Variants in ZZEF1 observed in about 807,000 individuals in gnomAD.
The protein encoded by ZZEF1 is zinc finger ZZ-type and EF-hand domain-containing protein 1.
A neutral mutation model predicts 342.8 loss-of-function variants in ZZEF1; 157 were observed. That is an observed-to-expected ratio of 0.46 (90% CI 0.40 to 0.52). The LOEUF (loss-of-function observed/expected upper bound fraction) is 0.52. Ranked by LOEUF, ZZEF1 falls within the 20% of genes least tolerant of loss-of-function variation. ZZEF1 has a pLI of 0.00. For synonymous variants in ZZEF1, 1,505 were observed against 1,429.1 expected, an observed-to-expected ratio of 1.05 and a Z score of -1.20; for missense variants, 3,480 against 3,725.6, an observed-to-expected ratio of 0.93 and a Z score of 1.72.
chr17:4,032,742 A>G (rs2056575737), intron 41 of ZZEF1, 86 bp downstream of exon 41: 1 of 1,411,808 alleles, frequency 7.1e-7, no homozygotes, highest in East Asian at 2.3e-5. Context: ...ATCTATGCCT[A>G]TATATCCGGA....
intron 52 of ZZEF1, among the ~76,000 whole-genome samples, chr17:4,011,739 T>A (rs1000624699): frequency 1.3e-5 from 2 of 152,156 alleles, no homozygotes; most frequent in Non-Finnish European, 2.9e-5. Context: ...ACTTGAAAAA[T>A]TATTGTGTAT....
At chr17:4,125,261 C>T (rs1242176572) in intron 1 of ZZEF1, among the ~76,000 whole-genome samples, 1 of 152,214 alleles carries the variant, frequency 6.6e-6, no homozygotes, top group Non-Finnish European at 1.5e-5. Context: ...CCATGCAATA[C>T]TTCAGGAGTC....
chr17:4,078,105 G>C, intron 18 of ZZEF1, 63 bp from the exon 19 acceptor site: 1 of 1,537,564 alleles, frequency 6.5e-7, no homozygotes, highest in Non-Finnish European at 8.8e-7. Flanking sequence ...CATAGCCAAG[G>C]GCATCCTCTA....
At chr17:4,088,331 A>G (rs2057878728) in intron 13 of ZZEF1, among the ~76,000 whole-genome samples, 2 of 152,212 alleles carry the variant, frequency 1.3e-5, no homozygotes, top group Non-Finnish European at 2.9e-5. Flanking sequence ...GACCTCAGTT[A>G]TAATTCTTCT....
chr17:4,106,177 A>C (rs542556530), intron 6 of ZZEF1, among the ~76,000 whole-genome samples: 23 of 152,168 alleles, frequency 1.5e-4, no homozygotes, highest in Non-Finnish European at 2.8e-4. Context: ...TGAACTCCTG[A>C]CCTCGTGATC....
At chr17:4,139,044 G>T (rs1486079896) in intron 1 of ZZEF1, among the ~76,000 whole-genome samples, 1 of 142,498 alleles carries the variant, frequency 7.0e-6, no homozygotes, top group African/African-American at 2.7e-5. Context: ...CAAGACAGCT[G>T]CGTGGACACC....
chr17:4,066,046 T>C (rs1337170052), intron 28 of ZZEF1, among the ~76,000 whole-genome samples: 1 of 152,060 alleles, frequency 6.6e-6, no homozygotes, highest in East Asian at 1.9e-4. Context: ...ACCTGCTTGA[T>C]GTCCCAGCTA....
chr17:4,083,508 C>T (rs1326520360), intron 16 of ZZEF1, among the ~76,000 whole-genome samples: 2 of 152,210 alleles, frequency 1.3e-5, no homozygotes, highest in African/African-American at 4.8e-5. Flanking sequence ...TGAAACCTTC[C>T]TCAATCACTT....
rs988983195 is a variant in ZZEF1, at chr17:4,139,409, A to C, written c.354+3133T>G. On this transcript the variant is annotated intron_variant, in intron 1 of 54. Coordinates refer to ENST00000381638, the MANE Select transcript of ZZEF1 (RefSeq NM_015113.4). Reference sequence around the variant, plus strand: ...TATCTGTTTTACCATGTTAGCTCTTATAAAAACGAATGACGGAAACAACTT... The same window carrying C: ...TATCTGTTTTACCATGTTAGCTCTTCTAAAAACGAATGACGGAAACAACTT... 6.6e-5 allele frequency among the ~76,000 whole-genome samples: 10 copies of C among 152,260 alleles called. 1 individual carries two copies. The highest frequency in any genetic ancestry group is 2.4e-4 in the African/African-American group (10 of 41,462).
Position 4,142,562 on chromosome 17 carries a change from A to G in ZZEF1, c.334T>C (p.Ser112Pro). The G allele has an allele frequency of 6.2e-7, 1 of 1,602,104 alleles. No individual in the cohort carries two copies. Among genetic ancestry groups the G allele is most frequent in the Non-Finnish European group, 8.5e-7 (1 of 1,179,356 alleles). The change falls in exon 1 of 55, where the codon TCT becomes CCT. Residue 112 changes from serine to proline, a missense_variant. By Grantham distance (74) the Ser-to-Pro change is moderately conservative. Coordinates refer to ENST00000381638, the MANE Select transcript of ZZEF1 (RefSeq NM_015113.4). Reference sequence around the variant, plus strand: ...CTGACCTCCTCGAACTGCTCGCTAGAGCAGCCGGCGCCGCGAGCCTCCAGC... The same window carrying G: ...CTGACCTCCTCGAACTGCTCGCTAGGGCAGCCGGCGCCGCGAGCCTCCAGC... ...ELLEARGAGCSSEQFEEAFAQ... is the reference protein window; with the variant it reads ...ELLEARGAGCPSEQFEEAFAQ...
intron 53 of ZZEF1, 120 bp from the exon 54 acceptor site, chr17:4,009,074 G>A (rs2055876404): frequency 4.9e-6 from 6 of 1,225,278 alleles, no homozygotes; most frequent in Non-Finnish European, 6.8e-6. Context: ...CGCTACTCAC[G>A]CCGCCCAGCA....
chr17:4,118,413 A>G (rs192666511), intron 2 of ZZEF1, among the ~76,000 whole-genome samples: 15 of 152,244 alleles, frequency 9.9e-5, no homozygotes, highest in African/African-American at 3.6e-4. Flanking sequence ...TTGCTCCAAA[A>G]TCTTAAAGGC....
intron 9 of ZZEF1, among the ~76,000 whole-genome samples, chr17:4,101,894 C>T (rs367740243): frequency 1.3e-5 from 2 of 151,856 alleles, no homozygotes; most frequent in South Asian, 2.1e-4. Context: ...CCTCCCAAAG[C>T]GCTGGGATTA....
Position 4,014,614 on chromosome 17 carries a change from G to A in ZZEF1, c.8146-99C>T. ...GTCCTGTGGCTGGACCCGGGTGTGT[G>A]AGAATGAGTGAACCACAGCCCTGGC... On this transcript the variant is annotated intron_variant, in intron 49 of 54. Transcript: ENST00000381638. This position sits in a 1 kb window ranked among gnomAD's most constrained non-coding sequence, Gnocchi z 4.4. 1 of 1,273,264 alleles carries A rather than the reference G, an allele frequency of 7.9e-7. No homozygotes were observed. Among genetic ancestry groups the A allele is most frequent in the Non-Finnish European group, 1.1e-6 (1 of 890,790 alleles). The allele number at this position is 1,273,264 out of a possible 1,614,324, so 78.9% of individuals were successfully genotyped here.
In ZZEF1 at chr17:4,131,499, C is replaced by A. The variant is rs531306466; in HGVS notation, c.355-7448G>T. 3.4e-5 allele frequency among the ~76,000 whole-genome samples: 5 copies of A among 148,046 alleles called. No individual in the cohort carries two copies. In the East Asian group the frequency reaches 1.0e-3, roughly 30 times the overall value. On this transcript the variant is annotated intron_variant, in intron 1 of 54. Coordinates refer to ENST00000381638, the MANE Select transcript of ZZEF1 (RefSeq NM_015113.4). ...AAAAGATGTATAAGAAAAAAAAAGGCCAGACGCAGTGGCTCATGCCTGTAA... is the reference window on the plus strand; with the variant it reads ...AAAAGATGTATAAGAAAAAAAAAGGACAGACGCAGTGGCTCATGCCTGTAA...
intron 42 of ZZEF1, among the ~76,000 whole-genome samples, chr17:4,026,952 C>T (rs750016362): frequency 1.3e-5 from 2 of 152,110 alleles, no homozygotes; most frequent in Admixed American, 6.5e-5. Context: ...GATTATGTCA[C>T]GGCAGACCTG....
intron 4 of ZZEF1, 95 bp downstream of exon 4, chr17:4,114,204 G>A (rs1045710904): frequency 8.0e-6 from 8 of 998,394 alleles, no homozygotes. Context: ...GATTCTTAAA[G>A]CATCTTCATA....
chr17:4,051,128 A>G, intron 35 of ZZEF1, 85 bp from the exon 36 acceptor site: 3 of 1,593,224 alleles, frequency 1.9e-6, no homozygotes, highest in Non-Finnish European at 2.6e-6. Context: ...TTAGGAGAGC[A>G]TGTGGTCGCA....
chr17:4,049,567 A>C, intron 37 of ZZEF1, 141 bp downstream of exon 37: 1 of 933,886 alleles, frequency 1.1e-6, no homozygotes, highest in Non-Finnish European at 1.6e-6. Flanking sequence ...AACATGCCCA[A>C]GGTTTGATGG....
Sources: allele counts gnomAD v4.1 joint callset (sites outside exome capture counted in the v4.1 genomes callset), GRCh38; gene constraint gnomAD v4.1.1; non-coding constraint Gnocchi (gnomAD v3.1); transcripts MANE v1.5; gene names NCBI Gene and HGNC (gene_info 2026-07-23, HGNC 2026-07-21).